Variants in SGCZ observed in about 807,000 individuals in gnomAD.
SGCZ encodes the protein sarcoglycan zeta, also known as zeta-sarcoglycan.
In SGCZ, 40 loss-of-function variants were observed where a neutral mutation model predicts 41.3. That is an observed-to-expected ratio of 0.97 (90% CI 0.75 to 1.26). The LOEUF (loss-of-function observed/expected upper bound fraction) is 1.26, where lower values mean the gene tolerates loss of function less well. SGCZ is among the 50% of genes most tolerant of loss of function. SGCZ has a pLI of 0.00. For missense variants in SGCZ, 552 were observed against 369.8 expected, an observed-to-expected ratio of 1.49 and a Z score of -4.04; for synonymous variants, 206 against 137.5, an observed-to-expected ratio of 1.50 and a Z score of -3.49.
Position 14,218,834 on chromosome 8 carries a change from G to A in SGCZ, c.424+18758C>T, listed in dbSNP as rs368966599. ...GTACAGTGTTGTGGTGGTCCAAGAA[G>A]TTTTGCCAAAGCAATGAGAACCTTG... On this transcript the variant is annotated intron_variant, in intron 4 of 7. Transcript: ENST00000382080. Among the ~76,000 whole-genome samples the A allele has an allele frequency of 1.3e-4, 20 of 152,282 alleles. No homozygotes were observed. In the East Asian group the frequency reaches 1.7e-3, roughly 13 times the overall value.
chr8:15,031,097 A>G (rs1250068698), intron 1 of SGCZ, among the ~76,000 whole-genome samples: 1 of 152,092 alleles, frequency 6.6e-6, no homozygotes, highest in African/African-American at 2.4e-5. Flanking sequence ...TTTCTCACTT[A>G]AAGTATTAGA....
At chr8:14,869,231 G>A (rs931206334) in intron 1 of SGCZ, among the ~76,000 whole-genome samples, 29 of 152,116 alleles carry the variant, frequency 1.9e-4, no homozygotes, top group African/African-American at 5.8e-4. Context: ...ATCAAATAGC[G>A]TATCCACCAC....
At chr8:14,780,816 T>C (rs1800566965) in intron 1 of SGCZ, among the ~76,000 whole-genome samples, 1 of 152,210 alleles carries the variant, frequency 6.6e-6, no homozygotes, top group African/African-American at 2.4e-5. Context: ...CTTTTTTAAA[T>C]TACTTCCAGA....
chr8:14,816,512 C>T (rs1295674872), intron 1 of SGCZ, among the ~76,000 whole-genome samples: 1 of 152,094 alleles, frequency 6.6e-6, no homozygotes, highest in South Asian at 2.1e-4. Flanking sequence ...TTCTGTTCAT[C>T]AGTATAATTA....
chr8:15,057,970 C>T (rs190010796), intron 1 of SGCZ, among the ~76,000 whole-genome samples: 86 of 152,212 alleles, frequency 5.7e-4, no homozygotes, highest in African/African-American at 1.9e-3. Context: ...GCTTACATTC[C>T]GGTGCAGCAA....
In SGCZ at chr8:14,964,833, A is replaced by G. The variant is rs77613569; in HGVS notation, c.39+272752T>C. On this transcript the variant is annotated intron_variant, in intron 1 of 7. Coordinates refer to ENST00000382080, the MANE Select transcript of SGCZ (RefSeq NM_139167.4). ...GGGTGTACCACAGAACCCACTACTT[A>G]TATACCTGCAAAAGGGAGGTAGGAA... Among the ~76,000 whole-genome samples the G allele has an allele frequency of 4.8e-3, 731 of 152,232 alleles. 3 individuals are homozygous for G. Among genetic ancestry groups the G allele is most frequent in the African/African-American group, 0.017 (686 of 41,542 alleles).
At chr8:14,102,089 TATATATATATATATAA>T (rs1322326355) in intron 7 of SGCZ, among the ~76,000 whole-genome samples, 106 of 99,934 alleles carry the variant, frequency 1.1e-3, no homozygotes, top group Non-Finnish European at 1.6e-3. Flanking sequence ...TATATATATA[TATATATATATATATAA>T]TTTTTTTTTT....
chr8:15,233,196 G>A (rs1327085912), intron 1 of SGCZ, among the ~76,000 whole-genome samples: 1 of 151,680 alleles, frequency 6.6e-6, no homozygotes, highest in Non-Finnish European at 1.5e-5. Context: ...TATGCCATTT[G>A]TTAGAGAGTA....
chr8:14,645,138 A>T (rs967800903), intron 1 of SGCZ, among the ~76,000 whole-genome samples: 6 of 151,576 alleles, frequency 4.0e-5, no homozygotes, highest in African/African-American at 4.8e-5. Context: ...AGTTCCTAAA[A>T]ATGTACCTGA....
At chr8:14,864,246 A>AT (rs149760232) in intron 1 of SGCZ, among the ~76,000 whole-genome samples, 3 of 151,662 alleles carry the variant, frequency 2.0e-5, no homozygotes, top group African/African-American at 7.3e-5. Context: ...CATGTTTCCT[A>AT]TTTTTTTTCT....
At chr8:14,091,823 C>G (rs1460567719) in intron 7 of SGCZ, among the ~76,000 whole-genome samples, 1 of 152,124 alleles carries the variant, frequency 6.6e-6, no homozygotes, top group Non-Finnish European at 1.5e-5. Flanking sequence ...GGCAGAAGCA[C>G]TTTAGTTTAA....
At chr8:14,780,237 T>G (rs1298571663) in intron 1 of SGCZ, among the ~76,000 whole-genome samples, 4 of 151,894 alleles carry the variant, frequency 2.6e-5, no homozygotes, top group Non-Finnish European at 4.4e-5. Context: ...TAGCCTGGTG[T>G]GGTGGCGGGC....
chr8:14,243,563 T>C (rs1563207648), intron 3 of SGCZ, among the ~76,000 whole-genome samples: 2 of 152,210 alleles, frequency 1.3e-5, no homozygotes, highest in Admixed American at 6.5e-5. Context: ...GTAAGGTTCT[T>C]CACAATGTGA....
chr8:14,249,823 G>A (rs1799226574), intron 3 of SGCZ, among the ~76,000 whole-genome samples: 1 of 152,092 alleles, frequency 6.6e-6, no homozygotes, highest in Admixed American at 6.5e-5. Context: ...ACTAATGGAA[G>A]ATAAACCAAG....
intron 1 of SGCZ, among the ~76,000 whole-genome samples, chr8:14,734,254 T>C (rs1798960885): frequency 6.6e-6 from 1 of 152,166 alleles, no homozygotes; most frequent in Non-Finnish European, 1.5e-5. Flanking sequence ...TCTAAGAATG[T>C]AAATTTAGCA....
At chr8:14,413,827 A>G (rs565997413) in intron 2 of SGCZ, among the ~76,000 whole-genome samples, 2 of 152,074 alleles carry the variant, frequency 1.3e-5, no homozygotes, top group South Asian at 4.1e-4. Flanking sequence ...TTTAGATAGA[A>G]CATAAATCCT....
At chr8:14,253,472 A>C (rs1799356264) in intron 3 of SGCZ, among the ~76,000 whole-genome samples, 1 of 152,168 alleles carries the variant, frequency 6.6e-6, no homozygotes, top group Non-Finnish European at 1.5e-5. Context: ...ATATGAAACA[A>C]GTAATCTTTA....
chr8:15,225,463 A>T (rs1048615673), intron 1 of SGCZ, among the ~76,000 whole-genome samples: 6 of 152,182 alleles, frequency 3.9e-5, no homozygotes, highest in African/African-American at 1.4e-4. Context: ...TTAGTCGTTC[A>T]TTGAAGTTAT....
chr8:14,777,161 C>T lies in SGCZ; in HGVS notation c.40-222235G>A, dbSNP rs116193272. 2.3e-3 allele frequency among the ~76,000 whole-genome samples: 357 copies of T among 152,206 alleles called. 2 individuals are homozygous for T. Among genetic ancestry groups the T allele is most frequent in the African/African-American group, 7.7e-3 (320 of 41,522 alleles). ...CAAGATGTGGCATTTGAAACATGGA[C>T]GTTTATCTAAAGTTAATCCATCCTA... is the stretch of plus-strand genomic sequence containing the variant. On this transcript the variant is annotated intron_variant, in intron 1 of 7. Coordinates refer to ENST00000382080, the MANE Select transcript of SGCZ (RefSeq NM_139167.4).
Sources: gnomAD v4.1 joint callset for allele counts (sites outside exome capture counted in the v4.1 genomes callset) on GRCh38, gnomAD v4.1.1 for gene constraint, MANE v1.5 for transcripts, NCBI Gene and HGNC (gene_info 2026-07-23, HGNC 2026-07-21) for gene names.